PNCK: variants seen among roughly 807,000 people sequenced by gnomAD.
PNCK encodes pregnancy up-regulated nonubiquitous CaM kinase, also known as calcium/calmodulin-dependent protein kinase type 1B.
PNCK carries 21 observed loss-of-function variants against 28.3 expected under a neutral mutation model. The ratio of observed to expected loss-of-function variants is 0.74; its 90% CI spans 0.53 to 1.07. The LOEUF (loss-of-function observed/expected upper bound fraction) is 1.07. Ranked by LOEUF, PNCK falls within the 50% of genes least tolerant of loss-of-function variation. PNCK has a pLI of 0.00. For synonymous variants in PNCK, 136 were observed against 125.2 expected, an observed-to-expected ratio of 1.09 and a Z score of -0.58; for missense variants, 250 against 298.3, an observed-to-expected ratio of 0.84 and a Z score of 1.19.
intron 1 of PNCK, among the ~76,000 whole-genome samples, chrX:153,682,436 C>T (rs1191014587): frequency 9.0e-6 from 1 of 111,284 alleles, no homozygotes; most frequent in Non-Finnish European, 1.9e-5. Flanking sequence ...CGTGTCACCG[C>T]CCCAGCTAAT....
Position 153,672,651 on chromosome X carries a change from G to T in PNCK, c.115C>A (p.His39Asn). ...VVLAQERGSA[H>N]LVALKCIPKK... ...GGGATGCACTTGAGGGCCACGAGGT[G>T]TGCGGAGCCCCGCTCCTGGGCCAGC... The change falls in exon 3 of 12, where the codon CAC becomes AAC. Residue 39 changes from histidine (H) to asparagine (N), a missense_variant. Physicochemically the swap from His to Asn is moderately conservative, Grantham distance 68 (BLOSUM62 1). Transcript: ENST00000340888. The T allele has an allele frequency of 8.3e-7, 1 of 1,205,887 alleles. No individual in the cohort carries two copies.
chrX:153,685,205 C>T (rs1237638257), intron 1 of PNCK, among the ~76,000 whole-genome samples: 1 of 110,731 alleles, frequency 9.0e-6, no homozygotes, highest in Admixed American at 9.5e-5. Context: ...CCCTCCCCAG[C>T]AGCTGCTGCC....
chrX:153,686,910 G>A (rs2091422831), intron 1 of PNCK: 1 of 113,087 alleles, frequency 8.8e-6, no homozygotes, highest in Non-Finnish European at 1.9e-5. Flanking sequence ...GGATGGCCGC[G>A]GGCTTAGCTT....
chrX:153,687,657 A>G (rs1379616782), upstream of PNCK: 30 of 295,168 alleles, frequency 1.0e-4, no homozygotes, highest in Non-Finnish European at 1.4e-4. Context: ...GGGCTGCACT[A>G]GGAGCCGGCG....
In PNCK at chrX:153,684,303, G is replaced by A. The variant is rs782533875; in HGVS notation, c.-3+3128C>T. On this transcript the variant is annotated intron_variant, in intron 1 of 3. Coordinates refer to the PNCK transcript ENST00000419804. ...ATATGCATGTAACAGAACCGCGCTT[G>A]TACCCTCTCAATCTATAAAACAAAT... is the stretch of plus-strand genomic sequence containing the variant. 1.4e-3 allele frequency among the ~76,000 whole-genome samples: 162 copies of A among 112,415 alleles called. 1 individual carries two copies. The highest frequency in any genetic ancestry group is 2.6e-3 in the Non-Finnish European group (141 of 53,236).
At chrX:153,673,660 G>A in intron 1 of PNCK, 120 bp downstream of exon 1, 2 of 392,820 alleles carry the variant, frequency 5.1e-6, no homozygotes, top group Non-Finnish European at 6.5e-6. Context: ...GAGCGCGTGC[G>A]GGCAGGGGGC....
intron 1 of PNCK, among the ~76,000 whole-genome samples, chrX:153,680,214 C>A (rs1569539014): frequency 9.2e-6 from 1 of 108,847 alleles, no homozygotes; most frequent in African/African-American, 3.4e-5. Flanking sequence ...GAACTATAAT[C>A]CCCAATGTTC....
chrX:153,678,038 C>T (rs185344640), upstream of PNCK, among the ~76,000 whole-genome samples: 9 of 109,066 alleles, frequency 8.3e-5, no homozygotes, highest in East Asian at 5.8e-4. Flanking sequence ...GATACACACG[C>T]GCATCAGTAT....
At chrX:153,673,948 G>C (rs1342239501), upstream of PNCK, 1 of 1,058,379 alleles carries the variant, frequency 9.4e-7, no homozygotes, top group Non-Finnish European at 1.2e-6. Flanking sequence ...CAATCGCCGG[G>C]ATCCGGCTCG....
upstream of PNCK, among the ~76,000 whole-genome samples, chrX:153,677,731 T>C (rs201490024): frequency 2.5e-5 from 2 of 81,315 alleles, no homozygotes; most frequent in African/African-American, 5.1e-5. Context: ...ATATATAGTG[T>C]ATATATAGTG....
chrX:153,669,877 C>A lies in PNCK; in HGVS notation c.*261G>T, dbSNP rs2148330664. 1 of 340,401 alleles carries A rather than the reference C, an allele frequency of 2.9e-6. No homozygotes were observed. The highest frequency in any genetic ancestry group is 2.6e-5 in the South Asian group (1 of 38,402). 28.1% of individuals were successfully genotyped at this position (340,401 alleles called of 1,213,427 possible). A position where few individuals can be genotyped will look rare whatever the true frequency, so the allele number is the denominator to read the frequency against. On this transcript the variant is annotated 3_prime_UTR_variant, in exon 12 of 12. Coordinates refer to ENST00000340888, the MANE Select transcript of PNCK (RefSeq NM_001366977.1). ...GCCCCTGAGGCCCGCCTGCCAGCAC[C>A]CCCTCGGCTTTTGGCGGGGCGGGGG... is the stretch of plus-strand genomic sequence containing the variant.
chrX:153,681,476 G>A (rs1557042478), intron 1 of PNCK, among the ~76,000 whole-genome samples: 1 of 111,693 alleles, frequency 9.0e-6, no homozygotes, highest in African/African-American at 3.3e-5. Flanking sequence ...CTGATCATGG[G>A]AAACAGCAAA....
At chrX:153,675,987 C>CT (rs59527995), upstream of PNCK, among the ~76,000 whole-genome samples, 1,160 of 79,835 alleles carry the variant, frequency 0.015, 12 homozygotes, top group South Asian at 0.019. Flanking sequence ...TTTTTCTTTT[C>CT]TTTTTTTTTT....
chrX:153,678,161 G>A (rs918513787), upstream of PNCK, among the ~76,000 whole-genome samples: 2 of 110,155 alleles, frequency 1.8e-5, no homozygotes, highest in East Asian at 5.7e-4. Flanking sequence ...CTCTAAAAGT[G>A]AGAAACCCAG....
Position 153,673,105 on chromosome X carries a change from G to C in PNCK, c.-2-27C>G, listed in dbSNP as rs1557040700. On this transcript the variant is annotated intron_variant, in intron 1 of 11. Transcript: ENST00000340888. ...TGCAGGGGCAGGGGAGAGGTGATGGGGGTCTCTCCCCGCCCCGCCGGGGGC... is the reference window on the plus strand; with the variant it reads ...TGCAGGGGCAGGGGAGAGGTGATGGCGGTCTCTCCCCGCCCCGCCGGGGGC... The C allele has an allele frequency of 3.4e-6, 4 of 1,172,780 alleles. No individual in the cohort carries two copies. The East Asian group carries it at 1.2e-4, about 36-fold the overall frequency.
At chrX:153,687,168 G>A in intron 1 of PNCK, 2 of 173,410 alleles carry the variant, frequency 1.2e-5, no homozygotes, top group Admixed American at 7.4e-5. Context: ...GGGGTGGGTG[G>A]GGGGCGGGCA....
intron 6 of PNCK, 45 bp from the exon 7 acceptor site, chrX:153,671,405 G>C: frequency 4.1e-6 from 5 of 1,211,946 alleles, no homozygotes; most frequent in Non-Finnish European, 5.6e-6. Flanking sequence ...CACACACGCA[G>C]CCATGCCGCT....
At chrX:153,673,296 G>T in intron 1 of PNCK, 1 of 1,177,175 alleles carries the variant, frequency 8.5e-7, no homozygotes, top group Non-Finnish European at 1.1e-6. Context: ...GCTATCCCAC[G>T]CACCCTCCCC....
chrX:153,670,891 G>A, intron 9 of PNCK, 27 bp downstream of exon 9: 1 of 1,211,462 alleles, frequency 8.3e-7, no homozygotes, highest in Non-Finnish European at 1.1e-6. Context: ...CCTGGCCCTG[G>A]GGCAGCTCAG....
Sources: gnomAD v4.1 joint callset for allele counts (sites outside exome capture counted in the v4.1 genomes callset) on GRCh38, gnomAD v4.1.1 for gene constraint, MANE v1.5 for transcripts, NCBI Gene and HGNC (gene_info 2026-07-23, HGNC 2026-07-21) for gene names.